REDIC1: variants seen among roughly 807,000 people sequenced by gnomAD.
REDIC1 encodes the protein HEI10 Interacting Protein 1.
the REDIC1 span, among the ~76,000 whole-genome samples, chr12:39,856,278 C>T: frequency 5.8e-4 from 89 of 152,290 alleles, no homozygotes; most frequent in Non-Finnish European, 1.0e-3. Flanking sequence ...TCCATCCATC[C>T]ACCCAAACAC....
chr12:39,739,009 A>T, the REDIC1 span, among the ~76,000 whole-genome samples: 1 of 151,860 alleles, frequency 6.6e-6, no homozygotes, highest in African/African-American at 2.4e-5. Context: ...CAATATTTTT[A>T]TAATATGAAA....
At chr12:39,697,222 G>T in the REDIC1 span, among the ~76,000 whole-genome samples, 5 of 152,194 alleles carry the variant, frequency 3.3e-5, no homozygotes, top group African/African-American at 9.7e-5. Context: ...TATTTAAAGT[G>T]CTGAAGGAAG....
chr12:39,796,282 G>A, the REDIC1 span, among the ~76,000 whole-genome samples: 2 of 151,942 alleles, frequency 1.3e-5, no homozygotes, highest in African/African-American at 4.8e-5. Flanking sequence ...TTTTACCATT[G>A]GAATGTGGGC....
the REDIC1 span, among the ~76,000 whole-genome samples, chr12:39,856,333 A>T: frequency 6.6e-6 from 1 of 152,102 alleles, no homozygotes; most frequent in Non-Finnish European, 1.5e-5. Context: ...TTCACTGAAG[A>T]GGTTCTTTTA....
At chr12:39,810,896 G>A in the REDIC1 span, among the ~76,000 whole-genome samples, 1 of 151,968 alleles carries the variant, frequency 6.6e-6, no homozygotes, top group African/African-American at 2.4e-5. Context: ...TTTCTTTCTT[G>A]CAGTTTCTGG....
At chr12:39,877,488 G>T in the REDIC1 span, among the ~76,000 whole-genome samples, 1 of 152,074 alleles carries the variant, frequency 6.6e-6, no homozygotes, top group Admixed American at 6.6e-5. Flanking sequence ...ATTTGGGTGG[G>T]GACACAGCCA....
chr12:39,697,045 AAAG>A, the REDIC1 span, among the ~76,000 whole-genome samples: 1 of 152,208 alleles, frequency 6.6e-6, no homozygotes, highest in Non-Finnish European at 1.5e-5. Flanking sequence ...GATTTAACCC[AAAG>A]AAGACTACCT....
At chr12:39,839,029 C>T in the REDIC1 span, among the ~76,000 whole-genome samples, 1 of 152,030 alleles carries the variant, frequency 6.6e-6, no homozygotes, top group Admixed American at 6.6e-5. Context: ...TGTGCTCACT[C>T]ACTCCTTCTT....
chr12:39,880,966 A>G, the REDIC1 span, among the ~76,000 whole-genome samples: 1 of 152,250 alleles, frequency 6.6e-6, no homozygotes, highest in East Asian at 1.9e-4. Context: ...GACTTCACAT[A>G]GGCTCACATT....
At chr12:39,893,601 T>A in the REDIC1 span, among the ~76,000 whole-genome samples, 1 of 152,198 alleles carries the variant, frequency 6.6e-6, no homozygotes, top group African/African-American at 2.4e-5. Flanking sequence ...ACGCCAGGCC[T>A]ACCGCTCTTT....
chr12:39,750,281 GA>G, the REDIC1 span, among the ~76,000 whole-genome samples: 1 of 151,836 alleles, frequency 6.6e-6, no homozygotes. Flanking sequence ...ATAACAGACA[GA>G]GAGCCAAATC....
the REDIC1 span, among the ~76,000 whole-genome samples, chr12:39,675,932 C>G: frequency 6.6e-6 from 1 of 152,186 alleles, no homozygotes; most frequent in Non-Finnish European, 1.5e-5. Flanking sequence ...CCCTGTGGGA[C>G]AAAAGAATCT....
the REDIC1 span, among the ~76,000 whole-genome samples, chr12:39,843,772 G>A: frequency 2.5e-4 from 38 of 152,136 alleles, no homozygotes; most frequent in African/African-American, 8.2e-4. Context: ...AAGCAGAGTT[G>A]TTTGTTGCTT....
chr12:39,645,405 A>T, the REDIC1 span, among the ~76,000 whole-genome samples: 2 of 152,048 alleles, frequency 1.3e-5, no homozygotes, highest in Non-Finnish European at 2.9e-5. Flanking sequence ...AGGAAGAGTG[A>T]TGGTGCAGTG....
chr12:39,681,379 TG>T, the REDIC1 span, among the ~76,000 whole-genome samples: 2 of 152,146 alleles, frequency 1.3e-5, no homozygotes, highest in Admixed American at 6.5e-5. Flanking sequence ...GTACACTGCT[TG>T]GGTAATGGCT....
chr12:39,896,415 T>C, the REDIC1 span, among the ~76,000 whole-genome samples: 2 of 118,354 alleles, frequency 1.7e-5, no homozygotes, highest in South Asian at 4.6e-4. Context: ...CATATATGTA[T>C]GTATATGTGT....
chr12:39,735,913 G>A, the REDIC1 span, among the ~76,000 whole-genome samples: 1 of 152,218 alleles, frequency 6.6e-6, no homozygotes, highest in African/African-American at 2.4e-5. Context: ...ACCCCAGTAT[G>A]ATTCATAGGA....
chr12:39,850,892 C>T, the REDIC1 span, among the ~76,000 whole-genome samples: 1 of 151,854 alleles, frequency 6.6e-6, no homozygotes, highest in Non-Finnish European at 1.5e-5. Flanking sequence ...ATTTAGGCCC[C>T]ACAAAGTTAA....
At chr12:39,824,709 A>G in the REDIC1 span, among the ~76,000 whole-genome samples, 125 of 152,284 alleles carry the variant, frequency 8.2e-4, no homozygotes, top group African/African-American at 2.9e-3. Context: ...GCTATCATTC[A>G]TCTTATAGCC....
Sources: allele counts gnomAD v4.1 joint callset (sites outside exome capture counted in the v4.1 genomes callset), GRCh38; gene constraint gnomAD v4.1.1; transcripts MANE v1.5; gene names NCBI Gene and HGNC (gene_info 2026-07-23, HGNC 2026-07-21).